DPYD: variants seen among roughly 807,000 people sequenced by gnomAD.
DPYD encodes dihydropyrimidine dehydrogenase, also known as dihydropyrimidine dehydrogenase [NADP(+)].
In DPYD, 109 loss-of-function variants were observed where a neutral mutation model predicts 116.2. That is an observed-to-expected ratio of 0.94 (90% confidence interval 0.80 to 1.10). DPYD has a LOEUF of 1.10. DPYD is among the 50% of genes least tolerant of loss of function. The probability of loss-of-function intolerance (pLI) is 0.00; values close to 1 mark genes in which losing one functional copy is unlikely to be tolerated. For missense variants in DPYD, 1,302 were observed against 1,254.5 expected (o/e 1.04, Z -0.57); for synonymous variants, 440 against 432.0 (o/e 1.02, Z -0.23).
chr1:97,211,648 C>A (rs1416274489), intron 19 of DPYD, among the ~76,000 whole-genome samples: 1 of 152,016 alleles, frequency 6.6e-6, no homozygotes, highest in Non-Finnish European at 1.5e-5. Flanking sequence ...CATTCATAAA[C>A]ATTTATACAA....
At chr1:97,392,456 T>C (rs1476412266) in intron 14 of DPYD, among the ~76,000 whole-genome samples, 5 of 151,864 alleles carry the variant, frequency 3.3e-5, no homozygotes, top group Non-Finnish European at 7.4e-5. Flanking sequence ...CTGGGTGCTG[T>C]AGCAATTTCT....
intron 1 of DPYD, among the ~76,000 whole-genome samples, chr1:97,889,260 GA>G (rs1320112472): frequency 1.3e-5 from 2 of 151,736 alleles, no homozygotes; most frequent in Non-Finnish European, 2.9e-5. Context: ...CTATTCACAC[GA>G]AAAAAACAAA....
chr1:97,451,783 T>C (rs912063455), intron 13 of DPYD, among the ~76,000 whole-genome samples: 1 of 152,138 alleles, frequency 6.6e-6, no homozygotes, highest in Admixed American at 6.6e-5. Flanking sequence ...CTTGAAATAT[T>C]TCACTCAGAT....
At chr1:97,258,711 G>C (rs558086774) in intron 18 of DPYD, among the ~76,000 whole-genome samples, 2 of 152,266 alleles carry the variant, frequency 1.3e-5, no homozygotes, top group South Asian at 4.1e-4. Context: ...TCTTACAGAA[G>C]TGAGAGGGCC....
At chr1:97,626,664 G>A (rs958277785) in intron 8 of DPYD, among the ~76,000 whole-genome samples, 2 of 152,038 alleles carry the variant, frequency 1.3e-5, no homozygotes, top group African/African-American at 2.4e-5. Context: ...GATTATCATA[G>A]GTGGGAAAGA....
chr1:97,836,225 C>G (rs2101515619), intron 2 of DPYD, among the ~76,000 whole-genome samples: 1 of 152,158 alleles, frequency 6.6e-6, no homozygotes, highest in African/African-American at 2.4e-5. Flanking sequence ...AGTGGTGTTC[C>G]TCTGTCTCAA....
At chr1:97,394,221 A>C (rs111734117) in intron 14 of DPYD, 2 of 151,758 alleles carry the variant, frequency 1.3e-5, no homozygotes, top group South Asian at 2.1e-4. Context: ...GATTGTAAAA[A>C]TTTTCTCCCA....
intron 16 of DPYD, among the ~76,000 whole-genome samples, chr1:97,316,073 C>G (rs529549117): frequency 6.6e-6 from 1 of 151,942 alleles, no homozygotes; most frequent in Admixed American, 6.6e-5. Flanking sequence ...GGACATGATG[C>G]CTTTGTGTCC....
At chr1:97,780,196 G>T (rs1316196958) in intron 3 of DPYD, among the ~76,000 whole-genome samples, 2 of 152,092 alleles carry the variant, frequency 1.3e-5, no homozygotes, top group African/African-American at 4.8e-5. Context: ...GAATTAAGCA[G>T]AATTACTAAC....
intron 3 of DPYD, among the ~76,000 whole-genome samples, chr1:97,777,977 G>A (rs537100824): frequency 3.0e-4 from 46 of 151,708 alleles, no homozygotes; most frequent in Non-Finnish European, 5.9e-4. Flanking sequence ...GGCCAACATG[G>A]TGCAACCCCA....
At chr1:97,114,357 G>T (rs977681349) in intron 20 of DPYD, among the ~76,000 whole-genome samples, 17 of 152,066 alleles carry the variant, frequency 1.1e-4, no homozygotes, top group Non-Finnish European at 2.5e-4. Flanking sequence ...TTAGGTTAAA[G>T]ACTATGTACA....
At chr1:97,226,222 T>C (rs1041456906) in intron 19 of DPYD, among the ~76,000 whole-genome samples, 1 of 152,066 alleles carries the variant, frequency 6.6e-6, no homozygotes, top group South Asian at 2.1e-4. Context: ...AAATTAGATA[T>C]ACAGGGAATG....
intron 20 of DPYD, among the ~76,000 whole-genome samples, chr1:97,181,622 G>T (rs1458687872): frequency 6.6e-6 from 1 of 152,066 alleles, no homozygotes; most frequent in Non-Finnish European, 1.5e-5. Flanking sequence ...ATAGGTTAAG[G>T]TAACTTCTAA....
intron 11 of DPYD, among the ~76,000 whole-genome samples, chr1:97,559,951 T>C (rs565453565): frequency 6.6e-6 from 1 of 152,314 alleles, no homozygotes; most frequent in African/African-American, 2.4e-5. Flanking sequence ...TAGGTATAAC[T>C]CAATTTTATA....
At chr1:97,766,082 A>C (rs1015317023) in intron 3 of DPYD, among the ~76,000 whole-genome samples, 27 of 152,086 alleles carry the variant, frequency 1.8e-4, no homozygotes, top group South Asian at 6.2e-4. Context: ...TACTAAAAAA[A>C]CACAAAAAAT....
chr1:97,404,754 T>C (rs1673558200), intron 14 of DPYD, among the ~76,000 whole-genome samples: 1 of 152,046 alleles, frequency 6.6e-6, no homozygotes, highest in Admixed American at 6.6e-5. Context: ...TGTCTTTTAA[T>C]TGGCGTATTT....
intron 8 of DPYD, among the ~76,000 whole-genome samples, chr1:97,613,808 A>G (rs1571062187): frequency 6.6e-6 from 1 of 152,172 alleles, no homozygotes. Flanking sequence ...AGTAGAAAGG[A>G]TAATGTCATA....
chr1:97,755,879 G>A (rs933476557), intron 3 of DPYD, among the ~76,000 whole-genome samples: 9 of 152,120 alleles, frequency 5.9e-5, no homozygotes, highest in Admixed American at 5.9e-4. Context: ...GCTCAATAAT[G>A]TAAATCATTT....
chr1:97,202,705 T>C (rs534433554), intron 19 of DPYD, among the ~76,000 whole-genome samples: 1 of 152,356 alleles, frequency 6.6e-6, no homozygotes, highest in African/African-American at 2.4e-5. Context: ...CAAAGGGCTG[T>C]GCCCTGCAGG....
Sources: allele counts gnomAD v4.1 joint callset (sites outside exome capture counted in the v4.1 genomes callset), GRCh38; gene constraint gnomAD v4.1.1; transcripts MANE v1.5; gene names NCBI Gene and HGNC (gene_info 2026-07-23, HGNC 2026-07-21).